Variants in CSMD1 observed in about 807,000 individuals in gnomAD.
CSMD1 encodes the protein CUB and sushi domain-containing protein 1.
CSMD1 carries 213 observed loss-of-function variants against 417.5 expected under a neutral mutation model. The observed-to-expected ratio is 0.51, with a 90% CI of 0.46 to 0.57. The LOEUF is 0.57. Ranked by LOEUF, CSMD1 falls within the 20% of genes least tolerant of loss-of-function variation. The pLI is 0.00. For missense variants in CSMD1, 6,923 were observed against 4,529.7 expected (o/e 1.53, Z -15.17); for synonymous variants, 2,862 against 1,736.8 (o/e 1.65, Z -16.11).
chr8:3,945,237 G>A (rs1042941235), intron 5 of CSMD1, among the ~76,000 whole-genome samples: 6 of 149,240 alleles, frequency 4.0e-5, no homozygotes, highest in African/African-American at 9.8e-5. Flanking sequence ...GTCTTTAGAC[G>A]TGAAAAATTA....
chr8:3,778,170 G>C (rs917918220), intron 5 of CSMD1, among the ~76,000 whole-genome samples: 3 of 152,226 alleles, frequency 2.0e-5, no homozygotes, highest in Non-Finnish European at 4.4e-5. Context: ...ATAGATTAGA[G>C]GCGTCAGCAG....
At chr8:4,206,219 A>G (rs558040869) in intron 3 of CSMD1, among the ~76,000 whole-genome samples, 4 of 152,276 alleles carry the variant, frequency 2.6e-5, no homozygotes, top group African/African-American at 9.6e-5. Context: ...AAATACTTTA[A>G]GTTCTAGAGT....
chr8:4,168,232 C>A (rs769657488), intron 3 of CSMD1, among the ~76,000 whole-genome samples: 1 of 151,102 alleles, frequency 6.6e-6, no homozygotes, highest in Non-Finnish European at 1.5e-5. Flanking sequence ...TATACACAAA[C>A]ACACACAAAA....
At chr8:4,024,550 G>C (rs1056449427) in intron 4 of CSMD1, among the ~76,000 whole-genome samples, 1 of 152,164 alleles carries the variant, frequency 6.6e-6, no homozygotes, top group East Asian at 1.9e-4. Context: ...AAGTCAATTT[G>C]AGACTTTAGT....
At chr8:3,808,156 T>C (rs948266643) in intron 5 of CSMD1, among the ~76,000 whole-genome samples, 2 of 152,276 alleles carry the variant, frequency 1.3e-5, no homozygotes, top group South Asian at 4.1e-4. Context: ...ATAATCTCTA[T>C]GAAATTAAAA....
chr8:3,079,879 T>C (rs537056669), intron 49 of CSMD1, among the ~76,000 whole-genome samples: 1 of 152,212 alleles, frequency 6.6e-6, no homozygotes, highest in Non-Finnish European at 1.5e-5. Flanking sequence ...CACACAGACA[T>C]ATCCACGTGC....
At chr8:3,594,629 G>C (rs1032745434) in intron 8 of CSMD1, among the ~76,000 whole-genome samples, 3 of 152,124 alleles carry the variant, frequency 2.0e-5, no homozygotes, top group Admixed American at 6.5e-5. Flanking sequence ...CAATGACTTA[G>C]GTTTATACCC....
intron 5 of CSMD1, among the ~76,000 whole-genome samples, chr8:3,949,479 T>C (rs976823754): frequency 6.6e-6 from 1 of 152,152 alleles, no homozygotes; most frequent in African/African-American, 2.4e-5. Context: ...ACCAATACTA[T>C]ATAAATTAAA....
At chr8:4,018,877 G>A (rs1167591147) in intron 4 of CSMD1, among the ~76,000 whole-genome samples, 1 of 152,036 alleles carries the variant, frequency 6.6e-6, no homozygotes, top group Non-Finnish European at 1.5e-5. Flanking sequence ...TAAACCAGAG[G>A]GATGATGATA....
At chr8:3,236,629 T>C (rs1200288011) in intron 26 of CSMD1, among the ~76,000 whole-genome samples, 3 of 152,220 alleles carry the variant, frequency 2.0e-5, no homozygotes, top group Non-Finnish European at 2.9e-5. Context: ...AAACTGCTTT[T>C]CCACTTCAGG....
intron 3 of CSMD1, among the ~76,000 whole-genome samples, chr8:4,058,877 G>T (rs923683180): frequency 2.0e-5 from 3 of 151,644 alleles, no homozygotes; most frequent in Admixed American, 6.6e-5. Context: ...ACATTAGACA[G>T]ATCAACGAGA....
At chr8:4,250,192 C>T (rs1378563501) in intron 3 of CSMD1, among the ~76,000 whole-genome samples, 2 of 152,142 alleles carry the variant, frequency 1.3e-5, no homozygotes, top group African/African-American at 4.8e-5. Context: ...CTTTTCTTTA[C>T]AAAGTACCTG....
intron 33 of CSMD1, among the ~76,000 whole-genome samples, chr8:3,195,017 T>C (rs1254055537): frequency 6.6e-6 from 1 of 152,198 alleles, no homozygotes; most frequent in Non-Finnish European, 1.5e-5. Context: ...TCCTTTTCCC[T>C]TTAAAATGTA....
chr8:4,792,970 T>A (rs921124411), intron 1 of CSMD1, among the ~76,000 whole-genome samples: 1 of 123,910 alleles, frequency 8.1e-6, no homozygotes, highest in Non-Finnish European at 1.7e-5. Context: ...TATATGTGTA[T>A]ATATGTGTAT....
intron 5 of CSMD1, among the ~76,000 whole-genome samples, chr8:3,911,636 G>A (rs1042568590): frequency 7.2e-5 from 11 of 151,834 alleles, no homozygotes; most frequent in Admixed American, 3.9e-4. Context: ...ATAACTAGGA[G>A]TGGCTTTCAT....
intron 51 of CSMD1, among the ~76,000 whole-genome samples, chr8:3,021,608 A>AT (rs1585167445): frequency 6.6e-6 from 1 of 152,346 alleles, no homozygotes; most frequent in East Asian, 1.9e-4. Context: ...CAAAAAAGAC[A>AT]CTTGGCTGAC....
intron 3 of CSMD1, among the ~76,000 whole-genome samples, chr8:4,312,380 T>G (rs1182443953): frequency 1.6e-5 from 1 of 61,118 alleles, no homozygotes; most frequent in Non-Finnish European, 3.2e-5. Context: ...GGAACAAATA[T>G]ATATATATAT....
intron 1 of CSMD1, among the ~76,000 whole-genome samples, chr8:4,724,818 G>C (rs532826785): frequency 6.6e-6 from 1 of 152,042 alleles, no homozygotes; most frequent in African/African-American, 2.4e-5. Context: ...ATATATTCAA[G>C]TTGAATATAG....
At chr8:3,539,130 C>T (rs141308704) in intron 10 of CSMD1, among the ~76,000 whole-genome samples, 1 of 152,308 alleles carries the variant, frequency 6.6e-6, no homozygotes, top group African/African-American at 2.4e-5. Flanking sequence ...GCAGGGACCG[C>T]TTGTCTTTCC....
Sources: allele counts gnomAD v4.1 joint callset (sites outside exome capture counted in the v4.1 genomes callset), GRCh38; gene constraint gnomAD v4.1.1; transcripts MANE v1.5; gene names NCBI Gene and HGNC (gene_info 2026-07-23, HGNC 2026-07-21).